Variants in ZKSCAN8 observed in about 807,000 individuals in gnomAD.
The protein encoded by ZKSCAN8 is zinc finger with KRAB and SCAN domains 8, also known as zinc finger protein with KRAB and SCAN domains 8.
Under a neutral mutation model 57.2 loss-of-function variants are expected in ZKSCAN8, and 27 were observed. The observed-to-expected ratio is 0.47, with a 90% CI of 0.35 to 0.65. The LOEUF is 0.65. Ranked by LOEUF, ZKSCAN8 falls within the 30% of genes least tolerant of loss-of-function variation. ZKSCAN8 has a pLI of 0.01. For missense variants in ZKSCAN8, 597 were observed against 696.3 expected (o/e 0.86, Z 1.60); for synonymous variants, 214 against 248.7 (o/e 0.86, Z 1.31).
In ZKSCAN8 at chr6:28,155,510, G is replaced by T. The variant is rs1241806855; in HGVS notation, c.*1493G>T. 1.3e-5 allele frequency: 2 copies of T among 152,050 alleles called. No homozygotes were observed. The highest frequency in any genetic ancestry group is 1.5e-5 in the Non-Finnish European group (1 of 68,008). 9.4% of individuals were successfully genotyped at this position (152,050 alleles called of 1,614,324 possible). A position where few individuals can be genotyped will look rare whatever the true frequency, so the allele number is the denominator to read the frequency against. On this transcript the variant is annotated 3_prime_UTR_variant, in exon 6 of 6. Transcript: ENST00000330236. Reference sequence around the variant, plus strand: ...AACCCTCTATTACTCTTACACTTTAGTTTTACCATTTGAGTAGCCACTTAT... The same window carrying T: ...AACCCTCTATTACTCTTACACTTTATTTTTACCATTTGAGTAGCCACTTAT...
In ZKSCAN8 at chr6:28,148,301, A is replaced by G; in HGVS notation, c.-92-15A>G. ...TTTTGACTTGCCTTAACACTATCAT[A>G]TTTTCTTCATGAAGAAGTACCCTTA... On this transcript the variant is annotated splice_polypyrimidine_tract_variant and intron_variant, in intron 1 of 5. Transcript: ENST00000330236. 1.6e-6 allele frequency: 2 copies of G among 1,229,270 alleles called. No individual in the cohort carries two copies. Among genetic ancestry groups the G allele is most frequent in the Non-Finnish European group, 2.2e-6 (2 of 900,626 alleles). The allele number at this position is 1,229,270 out of a possible 1,614,324, so 76.1% of individuals were successfully genotyped here. A position where few individuals can be genotyped will look rare whatever the true frequency, so the allele number is the denominator to read the frequency against.
Position 28,153,650 on chromosome 6 carries a change from C to G in ZKSCAN8, c.1370C>G (p.Thr457Ser), listed in dbSNP as rs200133233. Residue 457 changes from threonine (T) to serine (S), a missense_variant, in exon 6 of 6, where the codon ACT becomes AGT. Transcript: ENST00000330236. ...SHLIGHQRIH[T>S]GEKPYECDEC... ...CTCATTGGACATCAGAGAATCCACA[C>G]TGGGGAGAAGCCCTATGAGTGTGAT... 5.6e-6 allele frequency: 9 copies of G among 1,613,616 alleles called. No homozygotes were observed. The Admixed American group carries it at 1.5e-4, about 27-fold the overall frequency.
At position 28,148,521 on chromosome 6, in the gene ZKSCAN8, T is replaced by G; in HGVS notation, c.114T>G (p.Ser38Arg). The change falls in exon 2 of 6, where the codon AGT becomes AGG. Residue 38 changes from serine to arginine, a missense_variant. Coordinates refer to ENST00000330236, the MANE Select transcript of ZKSCAN8 (RefSeq NM_006298.4). Reference sequence around the variant, plus strand: ...ATCATGGTTGGGACCAGGAATCTAGTCTGCATGAAAGTAACCCTCTTGGCC... The same window carrying G: ...ATCATGGTTGGGACCAGGAATCTAGGCTGCATGAAAGTAACCCTCTTGGCC... ...EEDHGWDQES[S>R]LHESNPLGQE... is the part of the protein sequence containing the mutation. The G allele has an allele frequency of 1.2e-6, 2 of 1,614,102 alleles. No individual in the cohort carries two copies. Among genetic ancestry groups the G allele is most frequent in the South Asian group, 2.2e-5 (2 of 91,064 alleles).
rs1292398483 is a variant in ZKSCAN8 at position 28,155,873 on chromosome 6, C to G, written c.*1856C>G. 3.0e-6 allele frequency: 1 copy of G among 329,352 alleles called. No individual in the cohort carries two copies. The highest frequency in any genetic ancestry group is 5.5e-6 in the Non-Finnish European group (1 of 182,860). 20.4% of individuals were successfully genotyped at this position (329,352 alleles called of 1,614,324 possible). On this transcript the variant is annotated 3_prime_UTR_variant, in exon 6 of 6. Coordinates refer to ENST00000330236, the MANE Select transcript of ZKSCAN8 (RefSeq NM_006298.4). ...TTGAGCCATTGGTGAATGAAGACAC[C>G]CATCACTTGTCATGTTGGTTTCCAA...
intron 5 of ZKSCAN8, 69 bp from the exon 6 acceptor site, chr6:28,152,987 C>T (rs112809695): frequency 7.7e-6 from 12 of 1,566,496 alleles, no homozygotes; most frequent in Middle Eastern, 1.7e-4. Context: ...ATCTTCAGTT[C>T]CTTTCTCCTA....
In ZKSCAN8 at chr6:28,148,403, C is replaced by T. The variant is rs377289231; in HGVS notation, c.-5C>T. On this transcript the variant is annotated 5_prime_UTR_variant, in exon 2 of 6. Transcript: ENST00000330236. ...AAACGAACTTCCTGAGCTTTTCAGG[C>T]TCTAATGGCTGAAGAATCAAGAAAG... 6.2e-7 allele frequency: 1 copy of T among 1,606,240 alleles called. No homozygotes were observed. The highest frequency in any genetic ancestry group is 8.5e-7 in the Non-Finnish European group (1 of 1,175,004).
intron 1 of ZKSCAN8, 90 bp from the exon 2 acceptor site, chr6:28,148,226 C>A: frequency 1.7e-6 from 1 of 586,556 alleles, no homozygotes; most frequent in Non-Finnish European, 2.9e-6. Context: ...GCCATGAAGT[C>A]CGTGTCATAC....
rs1297756753 is a variant in ZKSCAN8 at position 28,144,556 on chromosome 6, C to T, written c.-93+2527C>T. ...GTATGCTACCTTTACTTACACTCTT[C>T]TTCATTCTCTACAGTATCTTTGAAA... On this transcript the variant is annotated intron_variant, in intron 1 of 5. Transcript: ENST00000330236. This position sits in a 1 kb window ranked among gnomAD's most constrained non-coding sequence, Gnocchi z 4.5. 6.6e-6 allele frequency: 1 copy of T among 152,208 alleles called. No homozygotes were observed. The highest frequency in any genetic ancestry group is 1.5e-5 in the Non-Finnish European group (1 of 68,048). 9.4% of individuals were successfully genotyped at this position (152,208 alleles called of 1,614,324 possible).
chr6:28,154,099 G>A lies in ZKSCAN8; in HGVS notation c.*82G>A, dbSNP rs2113599525. 1 of 1,496,742 alleles carries A rather than the reference G, an allele frequency of 6.7e-7. No individual in the cohort carries two copies. Among genetic ancestry groups the A allele is most frequent in the Non-Finnish European group, 8.8e-7 (1 of 1,130,020 alleles). The allele number at this position is 1,496,742 out of a possible 1,614,324, so 92.7% of individuals were successfully genotyped here. ...TGAGAGGTCTTTCAGTGTACTAAAA[G>A]GCAGAAAGGTCATCACAACTTTAGT... On this transcript the variant is annotated 3_prime_UTR_variant, in exon 6 of 6. Transcript: ENST00000330236.
chr6:28,141,738 G>A (rs181537989), upstream of ZKSCAN8, among the ~76,000 whole-genome samples: 8 of 152,340 alleles, frequency 5.3e-5, no homozygotes, highest in East Asian at 1.5e-3. Flanking sequence ...ACGCAGACGC[G>A]GGAGGAACCC....
Position 28,153,595 on chromosome 6 carries a change from T to C in ZKSCAN8, c.1315T>C (p.Cys439Arg), listed in dbSNP as rs1465853192. 3.7e-5 allele frequency: 59 copies of C among 1,613,712 alleles called. No homozygotes were observed. The highest frequency in any genetic ancestry group is 4.8e-5 in the Non-Finnish European group (57 of 1,179,946). ...AGAGAGACCCTATGAATGTAATGAG[T>C]GTGGGAAAGCTTTCAGTCATAGCTC... ...SGERPYECNE[C>R]GKAFSHSSHL... Residue 439 changes from cysteine to arginine, a missense_variant, in exon 6 of 6, where the codon TGT (cysteine) becomes CGT (arginine). Transcript: ENST00000330236.
In ZKSCAN8 at chr6:28,156,573, C is replaced by A; in HGVS notation, c.*2556C>A. The A allele has an allele frequency of 5.3e-6, 1 of 187,724 alleles. No individual in the cohort carries two copies. The highest frequency in any genetic ancestry group is 1.1e-5 in the Non-Finnish European group (1 of 92,094). The allele number at this position is 187,724 out of a possible 1,614,324, so 11.6% of individuals were successfully genotyped here. A position where few individuals can be genotyped will look rare whatever the true frequency, so the allele number is the denominator to read the frequency against. On this transcript the variant is annotated 3_prime_UTR_variant, in exon 6 of 6. Coordinates refer to ENST00000330236, the MANE Select transcript of ZKSCAN8 (RefSeq NM_006298.4). ...AAAAAGGCTGTGGATTCTTTGAGGA[C>A]ATCACTAGAAATCATTCTTTGTCTC... is the stretch of plus-strand genomic sequence containing the variant.
Position 28,153,574 on chromosome 6 carries a change from A to G in ZKSCAN8, c.1294A>G (p.Arg432Gly), listed in dbSNP as rs1765678904. ...GCACCAGAGAATCCACAGTGGAGAG[A>G]GACCCTATGAATGTAATGAGTGTGG... Reference protein sequence around the residue: ...ILHQRIHSGERPYECNECGKA... With the variant: ...ILHQRIHSGEGPYECNECGKA... Residue 432 changes from arginine (R) to glycine (G), a missense_variant, in exon 6 of 6, where the codon AGA (arginine) becomes GGA (glycine). By Grantham distance (125) the Arg-to-Gly change is moderately radical. Transcript: ENST00000330236. 3.7e-6 allele frequency: 6 copies of G among 1,614,116 alleles called. No individual in the cohort carries two copies. The highest frequency in any genetic ancestry group is 5.1e-6 in the Non-Finnish European group (6 of 1,180,026).
At chr6:28,152,090 T>TC (rs1384877152) in intron 4 of ZKSCAN8, among the ~76,000 whole-genome samples, 154 bp downstream of exon 4, 1 of 152,180 alleles carries the variant, frequency 6.6e-6, no homozygotes, top group Non-Finnish European at 1.5e-5. Context: ...ATCCTGAATT[T>TC]CCCCCAGTAA....
chr6:28,157,229 T>A lies in ZKSCAN8; in HGVS notation c.*3212T>A, dbSNP rs1765813624. The A allele has an allele frequency of 6.6e-6, 1 of 152,162 alleles. No homozygotes were observed. 9.4% of individuals were successfully genotyped at this position (152,162 alleles called of 1,614,324 possible). On this transcript the variant is annotated 3_prime_UTR_variant, in exon 6 of 6. Transcript: ENST00000330236. Reference sequence around the variant, plus strand: ...GGGAACTCTTTATAAAACCGTCCGATCTTGTGAGACTTATTCACTATCACA... The same window carrying A: ...GGGAACTCTTTATAAAACCGTCCGAACTTGTGAGACTTATTCACTATCACA...
At position 28,159,237 on chromosome 6, in the gene ZKSCAN8, T is replaced by C. The variant is rs542985506; in HGVS notation, c.*5220T>C. ...TCATTCTGTGCTGCCTCAGCACTTATCTTTTGAGTTTGTACTGTGGTCCAT... is the reference window on the plus strand; with the variant it reads ...TCATTCTGTGCTGCCTCAGCACTTACCTTTTGAGTTTGTACTGTGGTCCAT... On this transcript the variant is annotated 3_prime_UTR_variant, in exon 6 of 6. Transcript: ENST00000330236. The C allele has an allele frequency of 2.0e-5, 3 of 151,874 alleles. No homozygotes were observed. Among genetic ancestry groups the C allele is most frequent in the Non-Finnish European group, 4.4e-5 (3 of 67,958 alleles). The allele number at this position is 151,874 out of a possible 1,614,324, so 9.4% of individuals were successfully genotyped here. A position where few individuals can be genotyped will look rare whatever the true frequency, so the allele number is the denominator to read the frequency against.
At chr6:28,151,048 T>G (rs1188907833) in intron 3 of ZKSCAN8, among the ~76,000 whole-genome samples, 1 of 152,158 alleles carries the variant, frequency 6.6e-6, no homozygotes, top group Non-Finnish European at 1.5e-5. Flanking sequence ...TCAAGCGATC[T>G]GCCCACTTCA....
At chr6:28,150,319 T>C (rs1363437730) in intron 3 of ZKSCAN8, among the ~76,000 whole-genome samples, 1 of 152,174 alleles carries the variant, frequency 6.6e-6, no homozygotes, top group East Asian at 1.9e-4. Flanking sequence ...TTGATCATGT[T>C]TACATTGAGG....
rs1765740345 is a variant in ZKSCAN8, at chr6:28,155,050, G to A, written c.*1033G>A. Reference sequence around the variant, plus strand: ...CCTGTGCAAACTCCCTGACTAGATGGTCTGTCACTCCTATCATTACCTTGC... The same window carrying A: ...CCTGTGCAAACTCCCTGACTAGATGATCTGTCACTCCTATCATTACCTTGC... On this transcript the variant is annotated 3_prime_UTR_variant, in exon 6 of 6. Coordinates refer to ENST00000330236, the MANE Select transcript of ZKSCAN8 (RefSeq NM_006298.4). The A allele has an allele frequency of 1.3e-5, 2 of 152,518 alleles. No homozygotes were observed. The highest frequency in any genetic ancestry group is 2.9e-5 in the Non-Finnish European group (2 of 68,042). The allele number at this position is 152,518 out of a possible 1,614,324, so 9.4% of individuals were successfully genotyped here.
Sources: allele counts gnomAD v4.1 joint callset (sites outside exome capture counted in the v4.1 genomes callset), GRCh38; gene constraint gnomAD v4.1.1; non-coding constraint Gnocchi (gnomAD v3.1); transcripts MANE v1.5; gene names NCBI Gene and HGNC (gene_info 2026-07-23, HGNC 2026-07-21).